The following AGPS variants were observed in gnomAD, a reference collection of about 807,000 sequenced individuals.
The protein encoded by AGPS is alkyldihydroxyacetonephosphate synthase, peroxisomal.
In AGPS, 26 loss-of-function variants were observed where a neutral mutation model predicts 90.7. That is an observed-to-expected ratio of 0.29 (90% CI 0.21 to 0.40). AGPS has a LOEUF of 0.40. Among genes scored for constraint, AGPS ranks in the 10% least tolerant of loss-of-function variants. The pLI, the probability that AGPS is intolerant of heterozygous loss-of-function variation, is 1.00. For synonymous variants in AGPS, 294 were observed against 285.3 expected, an observed-to-expected ratio of 1.03 and a Z score of -0.31; for missense variants, 540 against 816.1, an observed-to-expected ratio of 0.66 and a Z score of 4.12.
intron 1 of AGPS, among the ~76,000 whole-genome samples, chr2:177,419,724 G>A (rs1685892065): frequency 6.6e-6 from 1 of 151,832 alleles, no homozygotes; most frequent in Non-Finnish European, 1.5e-5. Context: ...GTAGGTCAAG[G>A]TAGAGATTGG....
At chr2:177,513,621 A>G (rs1180968934) in intron 16 of AGPS, among the ~76,000 whole-genome samples, 198 bp from the exon 17 acceptor site, 1 of 152,118 alleles carries the variant, frequency 6.6e-6, no homozygotes, top group African/African-American at 2.4e-5. Context: ...AAAAGAAAAA[A>G]CTTTCTTCTT....
chr2:177,474,331 C>T (rs754980206), intron 10 of AGPS, among the ~76,000 whole-genome samples: 13 of 152,112 alleles, frequency 8.5e-5, no homozygotes, highest in African/African-American at 2.4e-4. Flanking sequence ...CATGCAGACA[C>T]GTTGAAAGGT....
intron 19 of AGPS, among the ~76,000 whole-genome samples, chr2:177,530,402 T>C (rs920514364): frequency 2.6e-5 from 4 of 152,254 alleles, no homozygotes; most frequent in Non-Finnish European, 4.4e-5. Flanking sequence ...TTTTAAATAA[T>C]GTTTTTAGTT....
intron 17 of AGPS, among the ~76,000 whole-genome samples, chr2:177,515,938 C>T (rs1339242929): frequency 5.3e-5 from 2 of 38,024 alleles, no homozygotes. Context: ...TTTGGTTTGA[C>T]CTGCTTAGTA....
At position 177,541,468 on chromosome 2, in the gene AGPS, T is replaced by C. The variant is rs1454365416; in HGVS notation, c.*3273T>C. The C allele has an allele frequency of 2.0e-5, 3 of 152,142 alleles. No homozygotes were observed. The highest frequency in any genetic ancestry group is 4.4e-5 in the Non-Finnish European group (3 of 68,012). 9.4% of individuals were successfully genotyped at this position (152,142 alleles called of 1,614,324 possible). Reference sequence around the variant, plus strand: ...ATTCTGTATAAATGCTAGAACACAGTTACTACAGATTGATTCACAAACTGC... The same window carrying C: ...ATTCTGTATAAATGCTAGAACACAGCTACTACAGATTGATTCACAAACTGC... On this transcript the variant is annotated 3_prime_UTR_variant, in exon 20 of 20. Coordinates refer to ENST00000264167, the MANE Select transcript of AGPS (RefSeq NM_003659.4).
intron 8 of AGPS, among the ~76,000 whole-genome samples, chr2:177,456,654 C>T (rs1321391051): frequency 1.3e-5 from 2 of 151,938 alleles, no homozygotes; most frequent in African/African-American, 4.8e-5. Flanking sequence ...TATATAGTAC[C>T]TGCTTGTAAT....
chr2:177,408,712 G>A (rs1448197617), intron 1 of AGPS, among the ~76,000 whole-genome samples: 1 of 151,992 alleles, frequency 6.6e-6, no homozygotes. Flanking sequence ...TTTCCTTTCC[G>A]TTTCTCTCTC....
At chr2:177,530,779 T>C (rs554521591) in intron 19 of AGPS, among the ~76,000 whole-genome samples, 121 of 152,350 alleles carry the variant, frequency 7.9e-4, no homozygotes, top group Non-Finnish European at 1.5e-3. Context: ...AGATGTAGTC[T>C]GGAACTGGAG....
chr2:177,518,880 G>T (rs1472726041), intron 17 of AGPS, among the ~76,000 whole-genome samples: 1 of 151,998 alleles, frequency 6.6e-6, no homozygotes, highest in Non-Finnish European at 1.5e-5. Flanking sequence ...GAAAATGGGC[G>T]CACATACTTA....
At chr2:177,468,651 T>A (rs1038977299) in intron 10 of AGPS, 127 bp downstream of exon 10, 54 of 685,054 alleles carry the variant, frequency 7.9e-5, no homozygotes, top group Non-Finnish European at 1.2e-4. Flanking sequence ...TTTTTAAATT[T>A]TTATCATTTT....
chr2:177,472,483 A>T (rs1687655773), intron 10 of AGPS, among the ~76,000 whole-genome samples: 1 of 151,760 alleles, frequency 6.6e-6, no homozygotes, highest in Non-Finnish European at 1.5e-5. Context: ...TGCTTGATTG[A>T]TGATATTTAA....
At chr2:177,501,636 A>G (rs1286759103) in intron 14 of AGPS, among the ~76,000 whole-genome samples, 1 of 152,030 alleles carries the variant, frequency 6.6e-6, no homozygotes, top group African/African-American at 2.4e-5. Context: ...TTGTCAATAC[A>G]TTTTGTCAGG....
At position 177,524,443 on chromosome 2, in the gene AGPS, G is replaced by C. The variant is rs371440463; in HGVS notation, c.1855+638G>C. Among the ~76,000 whole-genome samples, 5 of 152,226 alleles carry C rather than the reference G, an allele frequency of 3.3e-5. No homozygotes were observed. The East Asian group carries it at 5.8e-4, about 18-fold the overall frequency. On this transcript the variant is annotated intron_variant, in intron 19 of 19. Coordinates refer to ENST00000264167, the MANE Select transcript of AGPS (RefSeq NM_003659.4). The stretch of plus-strand genomic sequence containing the variant: ...TTAAAACTTAAACAATGGCCATTCT[G>C]TTATTAAAATGGCAATGTTTGAGGT...
At chr2:177,476,058 GTC>G (rs1417098423) in intron 10 of AGPS, among the ~76,000 whole-genome samples, 1 of 151,104 alleles carries the variant, frequency 6.6e-6, no homozygotes, top group Non-Finnish European at 1.5e-5. Flanking sequence ...TTTGTGTCCT[GTC>G]TCTTTTTTTC....
chr2:177,491,429 C>CTTTTTTTTTT (rs1051275473), intron 11 of AGPS, among the ~76,000 whole-genome samples: 194 of 118,160 alleles, frequency 1.6e-3, no homozygotes, highest in Non-Finnish European at 2.1e-3. Flanking sequence ...TGACTAATTT[C>CTTTTTTTTTT]TTTTTTTTTT....
chr2:177,526,546 T>G (rs1271096368), intron 19 of AGPS, among the ~76,000 whole-genome samples: 5 of 152,230 alleles, frequency 3.3e-5, no homozygotes, highest in African/African-American at 1.2e-4. Flanking sequence ...TAATGTTGTA[T>G]AATCTGTTTT....
chr2:177,452,969 C>T (rs550279106), intron 8 of AGPS, among the ~76,000 whole-genome samples: 2 of 151,880 alleles, frequency 1.3e-5, no homozygotes, highest in Admixed American at 6.6e-5. Flanking sequence ...TCTAGTTAAC[C>T]TTTCCTATAC....
At chr2:177,505,717 A>G (rs2105718378) in intron 15 of AGPS, 142 bp downstream of exon 15, 1 of 728,610 alleles carries the variant, frequency 1.4e-6, no homozygotes, top group Non-Finnish European at 2.3e-6. Context: ...CATGAACCTT[A>G]TTTTAGCTAC....
rs1195747474 is a variant in AGPS at position 177,497,686 on chromosome 2, T to C, written c.1286-3T>C. ...ATTAATATAAACTTTTTTCTCTTCT[T>C]AGGTCATGCTCTTAAACCTCAGGTT... On this transcript the variant is annotated splice_polypyrimidine_tract_variant and splice_region_variant and intron_variant, in intron 12 of 19. Transcript: ENST00000264167. 6.4e-7 allele frequency: 1 copy of C among 1,551,768 alleles called. No homozygotes were observed. The highest frequency in any genetic ancestry group is 8.8e-7 in the Non-Finnish European group (1 of 1,138,234).
Sources: gnomAD v4.1 joint callset for allele counts (sites outside exome capture counted in the v4.1 genomes callset) on GRCh38, gnomAD v4.1.1 for gene constraint, MANE v1.5 for transcripts, NCBI Gene and HGNC (gene_info 2026-07-23, HGNC 2026-07-21) for gene names.